MICALL1: variants seen among roughly 807,000 people sequenced by gnomAD.
MICALL1 encodes MICAL-like protein 1.
Under a neutral mutation model 83.7 loss-of-function variants are expected in MICALL1, and 61 were observed. The observed-to-expected ratio is 0.73, with a 90% confidence interval of 0.59 to 0.90. MICALL1 has a LOEUF of 0.90. Ranked by LOEUF, MICALL1 falls within the 40% of genes least tolerant of loss-of-function variation. The probability of loss-of-function intolerance (pLI) is 0.00; values close to 1 mark genes in which losing one functional copy is unlikely to be tolerated. For missense variants in MICALL1, 1,066 were observed against 1,152.0 expected, an observed-to-expected ratio of 0.93 and a Z score of 1.08; for synonymous variants, 481 against 473.6, an observed-to-expected ratio of 1.02 and a Z score of -0.20.
chr22:37,924,585 G>A lies in MICALL1; in HGVS notation c.1025-75G>A. ...AGGCGGGGCGCTCCTGGGGAGGCAG[G>A]TGCTGTGGCTGGCTCCCTGGGTGCC... On this transcript the variant is annotated intron_variant, in intron 6 of 15. Coordinates refer to ENST00000215957, the MANE Select transcript of MICALL1 (RefSeq NM_033386.4). The surrounding 1 kb of genome is among the most constrained non-coding windows in gnomAD (Gnocchi z 5.2). 1 of 1,469,044 alleles carries A rather than the reference G, an allele frequency of 6.8e-7. No homozygotes were observed. Among genetic ancestry groups the A allele is most frequent in the Non-Finnish European group, 9.4e-7 (1 of 1,061,808 alleles). The allele number at this position is 1,469,044 out of a possible 1,614,324, so 91.0% of individuals were successfully genotyped here.
Position 37,906,876 on chromosome 22 carries a change from A to G in MICALL1, c.146+308A>G, listed in dbSNP as rs570518440. The G allele has an allele frequency of 6.2e-6, 1 of 161,466 alleles. No individual in the cohort carries two copies. Among genetic ancestry groups the G allele is most frequent in the East Asian group, 1.8e-4 (1 of 5,574 alleles). 10.0% of individuals were successfully genotyped at this position (161,466 alleles called of 1,614,324 possible). ...TCCGCCGAGGATCGCTGAACCCCTAAGCCCTTGACCTCTTTGAAGGGGTGT... is the reference window on the plus strand; with the variant it reads ...TCCGCCGAGGATCGCTGAACCCCTAGGCCCTTGACCTCTTTGAAGGGGTGT... On this transcript the variant is annotated intron_variant, in intron 1 of 15. Transcript: ENST00000215957. This position sits in a 1 kb window ranked among gnomAD's most constrained non-coding sequence, Gnocchi z 4.4.
Position 37,919,202 on chromosome 22 carries a change from AC to A in MICALL1, c.569+29del, listed in dbSNP as rs562525683. 2.1e-4 allele frequency: 309 copies of A among 1,492,210 alleles called. 2 individuals are homozygous for A. In the South Asian group the frequency reaches 3.5e-3, roughly 17 times the overall value. 92.4% of individuals were successfully genotyped at this position (1,492,210 alleles called of 1,614,324 possible). A position where few individuals can be genotyped will look rare whatever the true frequency, so the allele number is the denominator to read the frequency against. On this transcript the variant is annotated intron_variant, in intron 5 of 15. Coordinates refer to ENST00000215957, the MANE Select transcript of MICALL1 (RefSeq NM_033386.4). ...CGGTGAGTGGCCAGGGCCGCGTGTT[AC>A]CCCCGAAACCAGGGAGGGGGCTACC...
intron 1 of MICALL1, among the ~76,000 whole-genome samples, chr22:37,908,645 G>T (rs1569133443): frequency 6.6e-6 from 1 of 152,132 alleles, no homozygotes; most frequent in South Asian, 2.1e-4. Context: ...AGTATTTGTA[G>T]AGTCATATTG....
intron 9 of MICALL1, among the ~76,000 whole-genome samples, chr22:37,928,080 G>T (rs2145928960): frequency 6.6e-6 from 1 of 152,154 alleles, no homozygotes; most frequent in African/African-American, 2.4e-5. Context: ...CTAATTTTTT[G>T]TATTTTTAGT....
At chr22:37,927,234 C>T in intron 8 of MICALL1, 177 bp from the exon 9 acceptor site, 2 of 712,014 alleles carry the variant, frequency 2.8e-6, no homozygotes, top group Non-Finnish European at 4.4e-6. Flanking sequence ...CTGGATGCAC[C>T]TCATGACTTC....
Position 37,922,409 on chromosome 22 carries a change from G to T in MICALL1, c.1007G>T (p.Ser336Ile), listed in dbSNP as rs1929107148. 2.6e-6 allele frequency: 4 copies of T among 1,531,042 alleles called. No homozygotes were observed. Among genetic ancestry groups the T allele is most frequent in the South Asian group, 2.4e-5 (2 of 82,424 alleles). The allele number at this position is 1,531,042 out of a possible 1,614,324, so 94.8% of individuals were successfully genotyped here. ...QQENLVEQAG[S>I]SSLVNGRLHE... is the part of the protein sequence containing the mutation. Reference sequence around the variant, plus strand: ...GAGAACCTGGTGGAGCAGGCTGGCAGCAGCAGCCTGGTGAACGGTGAGCAG... The same window carrying T: ...GAGAACCTGGTGGAGCAGGCTGGCATCAGCAGCCTGGTGAACGGTGAGCAG... Residue 336 changes from serine to isoleucine, a missense_variant, in exon 6 of 16, where the codon AGC becomes ATC. Coordinates refer to ENST00000215957, the MANE Select transcript of MICALL1 (RefSeq NM_033386.4).
Position 37,922,172 on chromosome 22 carries a change from C to T in MICALL1, c.770C>T (p.Pro257Leu), listed in dbSNP as rs1234560280. 1 of 1,612,846 alleles carries T rather than the reference C, an allele frequency of 6.2e-7. No homozygotes were observed. The highest frequency in any genetic ancestry group is 2.2e-5 in the East Asian group (1 of 44,894). ...GCCAAGGATGTTCCAGGAGGCGGCCCCAGCTCCAGTGCTCCTGCAGGGGCT... is the reference window on the plus strand; with the variant it reads ...GCCAAGGATGTTCCAGGAGGCGGCCTCAGCTCCAGTGCTCCTGCAGGGGCT... ...EDAKDVPGGG[P>L]SSSAPAGAEA... The change falls in exon 6 of 16, where the codon CCC (proline) becomes CTC (leucine). Residue 257 changes from proline (P) to leucine (L), a missense_variant. Pro to Leu is a moderately conservative substitution (Grantham distance 98). Coordinates refer to ENST00000215957, the MANE Select transcript of MICALL1 (RefSeq NM_033386.4).
At chr22:37,914,609 G>A (rs188261204) in intron 3 of MICALL1, among the ~76,000 whole-genome samples, 39 of 151,352 alleles carry the variant, frequency 2.6e-4, no homozygotes, top group Admixed American at 2.1e-3. Context: ...GTATATATGC[G>A]TGCGCGCACA....
In MICALL1 at chr22:37,927,522, A is replaced by C. The variant is rs1253792568; in HGVS notation, c.1577A>C (p.Glu526Ala). ...AGCGCCAGCCAGACTGCAGGTGCAG[A>C]GCTTCTGGAGCCGCCAGCTGTGCCC... ...SESASQTAGA[E>A]LLEPPAVPKS... The change falls in exon 9 of 16, where the codon GAG (glutamate) becomes GCG (alanine). Residue 526 changes from glutamate (E) to alanine (A), a missense_variant. By Grantham distance (107) the Glu-to-Ala change is moderately radical. Transcript: ENST00000215957. 6.2e-7 allele frequency: 1 copy of C among 1,613,340 alleles called. No homozygotes were observed. Among genetic ancestry groups the C allele is most frequent in the East Asian group, 2.2e-5 (1 of 44,832 alleles).
Position 37,906,385 on chromosome 22 carries a change from C to CCCGAAG in MICALL1, c.-35_-30dup, listed in dbSNP as rs1927939728. The CCCGAAG allele has an allele frequency of 9.3e-7, 1 of 1,069,572 alleles. No homozygotes were observed. Among genetic ancestry groups the CCCGAAG allele is most frequent in the Non-Finnish European group, 1.1e-6 (1 of 885,224 alleles). 66.3% of individuals were successfully genotyped at this position (1,069,572 alleles called of 1,614,324 possible). A position where few individuals can be genotyped will look rare whatever the true frequency, so the allele number is the denominator to read the frequency against. ...GCCGCCGTCCCGGCCAAGCCGGGGC[C>CCCGAAG]CCGAAGCCAGAGCCGGAGCCGGGCG... On this transcript the variant is annotated 5_prime_UTR_variant, in exon 1 of 16. Coordinates refer to ENST00000215957, the MANE Select transcript of MICALL1 (RefSeq NM_033386.4). This position sits in a 1 kb window ranked among gnomAD's most constrained non-coding sequence, Gnocchi z 4.4.
Position 37,919,116 on chromosome 22 carries a change from G to T in MICALL1, c.507G>T (p.Gln169His), listed in dbSNP as rs1279039688. 1 of 1,551,816 alleles carries T rather than the reference G, an allele frequency of 6.4e-7. No homozygotes were observed. The highest frequency in any genetic ancestry group is 8.7e-7 in the Non-Finnish European group (1 of 1,147,496). ...GCAGCACGTGCGCAGCCTGCCAGCAGCATGTGCACTTGGTGCAGCGCTACC... is the reference window on the plus strand; with the variant it reads ...GCAGCACGTGCGCAGCCTGCCAGCATCATGTGCACTTGGTGCAGCGCTACC... ...TPSSTCAACQ[Q>H]HVHLVQRYLA... The change falls in exon 5 of 16, where the codon CAG becomes CAT. Residue 169 changes from glutamine (Q) to histidine (H), a missense_variant. Transcript: ENST00000215957.
At position 37,941,107 on chromosome 22, in the gene MICALL1, T is replaced by G; in HGVS notation, c.*277T>G. ...TGCTGTGACGGACCCAAGGGGCAAA[T>G]AGGGTCCCAGGGTCCAGGGAGGGGC... On this transcript the variant is annotated 3_prime_UTR_variant, in exon 16 of 16. Transcript: ENST00000215957. 3.0e-6 allele frequency: 1 copy of G among 334,984 alleles called. No homozygotes were observed. Among genetic ancestry groups the G allele is most frequent in the Non-Finnish European group, 5.8e-6 (1 of 172,496 alleles). 20.8% of individuals were successfully genotyped at this position (334,984 alleles called of 1,614,324 possible).
rs200307590 is a variant in MICALL1, at chr22:37,918,998, T to C, written c.427-38T>C. On this transcript the variant is annotated intron_variant, in intron 4 of 15. Transcript: ENST00000215957. ...ATGTGAACAGGATGGCTGGTGACCA[T>C]GTCCTGCTCCCAACCTCCCCCACCT... 390 of 1,517,942 alleles carry C rather than the reference T, an allele frequency of 2.6e-4. 1 individual carries two copies. In the African/African-American group the frequency reaches 4.5e-3, roughly 18 times the overall value. The allele number at this position is 1,517,942 out of a possible 1,614,324, so 94.0% of individuals were successfully genotyped here.
chr22:37,909,139 G>C (rs1295475958), intron 1 of MICALL1, among the ~76,000 whole-genome samples: 1 of 151,378 alleles, frequency 6.6e-6, no homozygotes, highest in Non-Finnish European at 1.5e-5. Flanking sequence ...CACAACCTCT[G>C]CCTCCCGGAT....
intron 13 of MICALL1, among the ~76,000 whole-genome samples, chr22:37,933,545 G>A (rs1218891422): frequency 3.3e-5 from 5 of 152,278 alleles, no homozygotes; most frequent in East Asian, 1.9e-4. Flanking sequence ...AGGTCCCCAC[G>A]TCCTCGGGTG....
intron 2 of MICALL1, 42 bp downstream of exon 2, chr22:37,912,042 TGTG>T (rs1223037230): frequency 8.5e-6 from 2 of 235,422 alleles, no homozygotes; most frequent in African/African-American, 1.3e-4. Flanking sequence ...GCTCTGTGTA[TGTG>T]TGTGTGTGTG....
intron 3 of MICALL1, among the ~76,000 whole-genome samples, chr22:37,915,557 A>G (rs1928624476): frequency 6.6e-6 from 1 of 152,034 alleles, no homozygotes. Context: ...CAGTGAGGAT[A>G]GGAATAACAC....
At chr22:37,912,081 G>T in intron 2 of MICALL1, 81 bp downstream of exon 2, 1 of 1,530,814 alleles carries the variant, frequency 6.5e-7, no homozygotes, top group Non-Finnish European at 9.0e-7. Flanking sequence ...GGGAGGGCAG[G>T]GGTCTTGCAC....
Position 37,925,715 on chromosome 22 carries a change from A to G in MICALL1, c.1137A>G (p.Pro379=), listed in dbSNP as rs749329441. 10 of 1,610,450 alleles carry G rather than the reference A, an allele frequency of 6.2e-6. No homozygotes were observed. The highest frequency in any genetic ancestry group is 1.1e-5 in the South Asian group (1 of 90,914). ...GGATCACGCTGGTGCAGGCAGAACC[A>G]AAGAAGAAGCCAGCCCCACTTCCCC... The part of the protein sequence containing the change: ...PPWITLVQAE[P]KKKPAPLPPS... The change falls in exon 8 of 16, where the codon CCA becomes CCG. Residue 379 remains proline (P), a synonymous_variant. Transcript: ENST00000215957.
Sources: gnomAD v4.1 joint callset for allele counts (sites outside exome capture counted in the v4.1 genomes callset) on GRCh38, gnomAD v4.1.1 for gene constraint, Gnocchi (gnomAD v3.1) non-coding constraint, MANE v1.5 for transcripts, NCBI Gene and HGNC (gene_info 2026-07-23, HGNC 2026-07-21) for gene names.